The following DISC1 variants were observed in gnomAD, a reference collection of about 807,000 sequenced individuals.
DISC1 encodes the protein disrupted in schizophrenia 1 protein.
A neutral mutation model predicts 84.5 loss-of-function variants in DISC1; 57 were observed. The ratio of observed to expected loss-of-function variants is 0.67; its 90% confidence interval spans 0.55 to 0.84. DISC1 has a LOEUF of 0.84. Ranked by LOEUF, DISC1 falls within the 40% of genes least tolerant of loss-of-function variation. The pLI is 0.00. For synonymous variants in DISC1, 411 were observed against 415.2 expected (o/e 0.99, Z 0.12); for missense variants, 1,000 against 1,057.8 (o/e 0.95, Z 0.76).
Position 231,990,016 on chromosome 1 carries a change from A to G in DISC1, c.2043-18769A>G, listed in dbSNP as rs150385326. ...GCAGCACTGCCTTGTCTAGGACTCA[A>G]GAGGCACTGTTTTCTCCTCCCCTAC... is the stretch of plus-strand genomic sequence containing the variant. On this transcript the variant is annotated intron_variant, in intron 10 of 12. Transcript: ENST00000439617. Among the ~76,000 whole-genome samples the G allele has an allele frequency of 4.7e-3, 715 of 152,258 alleles. 19 individuals are homozygous for G. The South Asian group carries it at 0.083, about 18-fold the overall frequency.
rs146009873 is a variant in DISC1 at position 231,673,334 on chromosome 1, A to G, written c.68-20492A>G. ...TTTCTTTTCTTTTCTTTTTTTAAGA[A>G]ACTGGGGTCTCTCTCTGTTGTCCAG... On this transcript the variant is annotated intron_variant, in intron 1 of 12. Transcript: ENST00000439617. 2.8e-3 allele frequency among the ~76,000 whole-genome samples: 425 copies of G among 152,014 alleles called. 7 individuals are homozygous for G. Among genetic ancestry groups the G allele is most frequent in the East Asian group, 9.7e-3 (50 of 5,174 alleles).
At chr1:231,919,771 T>G (rs1231198653) in intron 9 of DISC1, among the ~76,000 whole-genome samples, 2 of 152,230 alleles carry the variant, frequency 1.3e-5, no homozygotes, top group Non-Finnish European at 2.9e-5. Flanking sequence ...TATGGTTTTA[T>G]GCACAGAATT....
At chr1:231,931,661 GTCTT>G in intron 9 of DISC1, among the ~76,000 whole-genome samples, 1 of 69,960 alleles carries the variant, frequency 1.4e-5, no homozygotes, top group African/African-American at 5.6e-5. Flanking sequence ...TTTTTTTTTT[GTCTT>G]TGAGACAGGG....
At chr1:231,905,090 C>G (rs964105535) in intron 9 of DISC1, among the ~76,000 whole-genome samples, 3 of 152,104 alleles carry the variant, frequency 2.0e-5, no homozygotes, top group South Asian at 2.1e-4. Context: ...AGTGGAGAAG[C>G]CTGACAGAGA....
chr1:231,769,820 G>A (rs1322739852), intron 5 of DISC1, among the ~76,000 whole-genome samples: 2 of 152,124 alleles, frequency 1.3e-5, no homozygotes, highest in African/African-American at 2.4e-5. Context: ...AAATGAATAG[G>A]GTAGAGGAAG....
At chr1:231,994,639 C>T (rs1665655566) in intron 10 of DISC1, among the ~76,000 whole-genome samples, 1 of 152,068 alleles carries the variant, frequency 6.6e-6, no homozygotes, top group Non-Finnish European at 1.5e-5. Context: ...AGCACCTGAC[C>T]AAAAATTATT....
intron 10 of DISC1, among the ~76,000 whole-genome samples, chr1:232,004,870 TC>T (rs1667160387): frequency 1.9e-5 from 1 of 52,898 alleles, no homozygotes; most frequent in Non-Finnish European, 3.5e-5. Context: ...CCTCCCTGCC[TC>T]CCTCCCTCCC....
intron 10 of DISC1, among the ~76,000 whole-genome samples, chr1:232,005,783 T>A (rs821604): frequency 0.28 from 43,003 of 152,026 alleles, 6,353 homozygotes; most frequent in African/African-American, 0.33. Flanking sequence ...ATTAAAAGTA[T>A]CTGAAACTTA....
intron 9 of DISC1, among the ~76,000 whole-genome samples, chr1:231,916,229 T>A (rs1274141826): frequency 6.6e-6 from 1 of 152,182 alleles, no homozygotes; most frequent in Non-Finnish European, 1.5e-5. Flanking sequence ...ACTTTTTAGG[T>A]CTCAAATCTC....
chr1:231,953,194 G>A (rs1021884430), intron 9 of DISC1, among the ~76,000 whole-genome samples: 2 of 152,176 alleles, frequency 1.3e-5, no homozygotes, highest in African/African-American at 4.8e-5. Context: ...TAGCTAAATT[G>A]ATATCACGCG....
intron 1 of DISC1, among the ~76,000 whole-genome samples, chr1:231,632,519 A>T (rs906775225): frequency 2.0e-5 from 3 of 152,212 alleles, no homozygotes; most frequent in Non-Finnish European, 4.4e-5. Context: ...CTGAAGATAA[A>T]TCATATATTT....
At chr1:232,023,789 A>T (rs200731560) in intron 11 of DISC1, among the ~76,000 whole-genome samples, 2 of 152,014 alleles carry the variant, frequency 1.3e-5, no homozygotes, top group Non-Finnish European at 2.9e-5. Context: ...TCTCTCTTTA[A>T]GTGTGTTTTC....
intron 1 of DISC1, among the ~76,000 whole-genome samples, chr1:231,681,947 T>C (rs2063741649): frequency 6.6e-6 from 1 of 152,116 alleles, no homozygotes; most frequent in Non-Finnish European, 1.5e-5. Flanking sequence ...TAATCCGCCT[T>C]TCTTGGCCTC....
chr1:231,694,629 A>G lies in DISC1; in HGVS notation c.871A>G (p.Met291Val). ...GAACAGCTCCAGGCCAGAGCGTGAC[A>G]TGCATTCTTTACCAGACATGGACCC... The part of the protein sequence containing the change: ...ARNSSRPERD[M>V]HSLPDMDPGS... Residue 291 changes from methionine (M) to valine (V), a missense_variant, in exon 2 of 13, where the codon ATG becomes GTG. By Grantham distance (21) the Met-to-Val change is conservative. Around this residue, in one of 3 missense-constraint regions of DISC1, gnomAD observed 311 missense variants for 400.1 expected, o/e 0.78. Transcript: ENST00000439617. The G allele has an allele frequency of 6.2e-7, 1 of 1,614,262 alleles. No homozygotes were observed. Among genetic ancestry groups the G allele is most frequent in the Non-Finnish European group, 8.5e-7 (1 of 1,180,048 alleles).
intron 9 of DISC1, among the ~76,000 whole-genome samples, chr1:231,886,250 C>T (rs2125992376): frequency 6.6e-6 from 1 of 152,266 alleles, no homozygotes; most frequent in African/African-American, 2.4e-5. Flanking sequence ...ATAGCACTCC[C>T]CTATAGCAAT....
chr1:231,712,978 A>G (rs1008215486), intron 3 of DISC1, among the ~76,000 whole-genome samples: 2 of 152,198 alleles, frequency 1.3e-5, no homozygotes, highest in African/African-American at 4.8e-5. Flanking sequence ...GGCAAGATGC[A>G]TGCTCAGAAA....
chr1:231,661,873 G>C (rs1448627162), intron 1 of DISC1, among the ~76,000 whole-genome samples: 1 of 152,156 alleles, frequency 6.6e-6, no homozygotes, highest in Non-Finnish European at 1.5e-5. Context: ...ATCTTTGTGG[G>C]CTTATCTACC....
intron 9 of DISC1, among the ~76,000 whole-genome samples, chr1:231,931,661 GTC>G (rs2090665647): frequency 1.4e-5 from 1 of 69,926 alleles, no homozygotes; most frequent in Non-Finnish European, 3.0e-5. Context: ...TTTTTTTTTT[GTC>G]TTTGAGACAG....
intron 9 of DISC1, among the ~76,000 whole-genome samples, chr1:231,843,053 T>G (rs2083189337): frequency 6.6e-6 from 1 of 152,114 alleles, no homozygotes; most frequent in Non-Finnish European, 1.5e-5. Flanking sequence ...TAGAGCCCAC[T>G]GGGAGACACC....
Sources: gnomAD v4.1 joint callset for allele counts (sites outside exome capture counted in the v4.1 genomes callset) on GRCh38, gnomAD v4.1.1 for gene constraint, gnomAD v4.1.1 regional missense constraint, MANE v1.5 for transcripts, NCBI Gene and HGNC (gene_info 2026-07-23, HGNC 2026-07-21) for gene names.